The following GABPB2 variants were observed in gnomAD, a reference collection of about 807,000 sequenced individuals.
The protein encoded by GABPB2 is GA binding protein transcription factor subunit beta 2, also known as GA-binding protein subunit beta-2.
In GABPB2, 23 loss-of-function variants were observed where a neutral mutation model predicts 39.1. The ratio of observed to expected loss-of-function variants is 0.59; its 90% confidence interval spans 0.42 to 0.83. The LOEUF is 0.83. Ranked by LOEUF, GABPB2 falls within the 40% of genes least tolerant of loss-of-function variation. The pLI is 0.00. For missense variants in GABPB2, 467 were observed against 541.1 expected (o/e 0.86, Z 1.36); for synonymous variants, 184 against 199.3 (o/e 0.92, Z 0.65).
At chr1:151,086,469 A>G (rs1678198865) in intron 1 of GABPB2, among the ~76,000 whole-genome samples, 3 of 152,270 alleles carry the variant, frequency 2.0e-5, no homozygotes, top group African/African-American at 7.2e-5. Context: ...AGTTATACCC[A>G]CTGTTGGATT....
chr1:151,116,194 C>A (rs906940853), intron 7 of GABPB2, among the ~76,000 whole-genome samples: 3 of 151,968 alleles, frequency 2.0e-5, no homozygotes, highest in African/African-American at 7.3e-5. Context: ...GAGTTTGAGA[C>A]CAGACTGACC....
At chr1:151,075,035 G>A (rs148235302) in intron 1 of GABPB2, among the ~76,000 whole-genome samples, 1,649 of 152,186 alleles carry the variant, frequency 0.011, 30 homozygotes, top group African/African-American at 0.037. Flanking sequence ...CCAGCTACTC[G>A]GGAGGGTGAG....
At chr1:151,090,771 A>C (rs1175922589) in intron 3 of GABPB2, among the ~76,000 whole-genome samples, 198 bp downstream of exon 3, 6 of 151,902 alleles carry the variant, frequency 3.9e-5, no homozygotes, top group Admixed American at 3.9e-4. Flanking sequence ...AGACGGGTGG[A>C]TCACAAGGTC....
rs115780589 is a variant in GABPB2, at chr1:151,101,796, T to C, written c.623-1766T>C. 8.5e-3 allele frequency among the ~76,000 whole-genome samples: 1,296 copies of C among 152,254 alleles called. 13 individuals are homozygous for C. Among genetic ancestry groups the C allele is most frequent in the African/African-American group, 0.03 (1,241 of 41,548 alleles). ...GGCATAATAGGTATCTCTGAAATTA[T>C]AGTGAAAGAAATAGAGAAATATAAT... is the stretch of plus-strand genomic sequence containing the variant. On this transcript the variant is annotated intron_variant, in intron 5 of 8. Coordinates refer to ENST00000368918, the MANE Select transcript of GABPB2 (RefSeq NM_144618.3).
chr1:151,106,982 A>G lies in GABPB2; in HGVS notation c.737-55A>G, dbSNP rs1047559270. 1.1e-5 allele frequency: 14 copies of G among 1,279,904 alleles called. No individual in the cohort carries two copies. The African/African-American group carries it at 1.7e-4, about 15-fold the overall frequency. 79.3% of individuals were successfully genotyped at this position (1,279,904 alleles called of 1,614,324 possible). On this transcript the variant is annotated intron_variant, in intron 6 of 8. Coordinates refer to ENST00000368918, the MANE Select transcript of GABPB2 (RefSeq NM_144618.3). ...CAGGTTCAAGGAGGTTGAAATTGCTATACTCCTATGTTTTTAAAAAGCTGA... is the reference window on the plus strand; with the variant it reads ...CAGGTTCAAGGAGGTTGAAATTGCTGTACTCCTATGTTTTTAAAAAGCTGA...
Position 151,118,352 on chromosome 1 carries a change from C to A in GABPB2, c.*96C>A. On this transcript the variant is annotated 3_prime_UTR_variant, in exon 9 of 9. Coordinates refer to ENST00000368918, the MANE Select transcript of GABPB2 (RefSeq NM_144618.3). ...AACATTGTATAAAAACTAAGAGTGT[C>A]TTTAAGAAGAAAACTATAGCAGGGT... The A allele has an allele frequency of 8.3e-7, 1 of 1,200,240 alleles. No homozygotes were observed. The highest frequency in any genetic ancestry group is 1.2e-6 in the Non-Finnish European group (1 of 864,518). 74.3% of individuals were successfully genotyped at this position (1,200,240 alleles called of 1,614,324 possible).
At chr1:151,104,221 T>A (rs1370282399) in intron 6 of GABPB2, among the ~76,000 whole-genome samples, 1 of 152,186 alleles carries the variant, frequency 6.6e-6, no homozygotes, top group Non-Finnish European at 1.5e-5. Flanking sequence ...AGTTTTCAAG[T>A]CATTTAGCCA....
chr1:151,074,403 T>G (rs1318820780), intron 1 of GABPB2, among the ~76,000 whole-genome samples: 1 of 148,686 alleles, frequency 6.7e-6, no homozygotes, highest in Non-Finnish European at 1.5e-5. Context: ...CTCCACTTCC[T>G]GGGTTCACGC....
chr1:151,114,981 A>G (rs587695421), intron 7 of GABPB2, among the ~76,000 whole-genome samples: 2 of 152,210 alleles, frequency 1.3e-5, no homozygotes, highest in Non-Finnish European at 2.9e-5. Context: ...CTGCACTCCA[A>G]TCCGGCCTGG....
In GABPB2 at chr1:151,118,123, T is replaced by G; in HGVS notation, c.1214T>G (p.Val405Gly). ...CCCAATGGAGTTGATTTCACCATGG[T>G]TGAAGAGGTGGCTGAGGTAGATGCT... ...QQPNGVDFTMVEEVAEVDAVV... is the reference protein window; with the variant it reads ...QQPNGVDFTMGEEVAEVDAVV... Residue 405 changes from valine to glycine, a missense_variant, in exon 9 of 9, where the codon GTT becomes GGT. Coordinates refer to ENST00000368918, the MANE Select transcript of GABPB2 (RefSeq NM_144618.3). 1 of 1,614,090 alleles carries G rather than the reference T, an allele frequency of 6.2e-7. No homozygotes were observed. The highest frequency in any genetic ancestry group is 8.5e-7 in the Non-Finnish European group (1 of 1,180,018).
At chr1:151,080,510 TCTAAATAA>T (rs1409676904) in intron 1 of GABPB2, among the ~76,000 whole-genome samples, 10 of 134,878 alleles carry the variant, frequency 7.4e-5, no homozygotes, top group Admixed American at 2.2e-4. Context: ...AAACTCCATC[TCTAAATAA>T]ATAAATAAAT....
At chr1:151,078,122 T>G (rs1413278431) in intron 1 of GABPB2, among the ~76,000 whole-genome samples, 3 of 148,810 alleles carry the variant, frequency 2.0e-5, no homozygotes, top group Non-Finnish European at 4.4e-5. Context: ...AATACAAAAT[T>G]ATCCAGTTGT....
intron 1 of GABPB2, among the ~76,000 whole-genome samples, chr1:151,084,596 G>A (rs1209918277): frequency 1.5e-4 from 20 of 137,872 alleles, no homozygotes; most frequent in African/African-American, 4.7e-4. Flanking sequence ...GTGCAGTGGC[G>A]CAGTCTCGGC....
At chr1:151,085,124 G>A (rs1036336720) in intron 1 of GABPB2, among the ~76,000 whole-genome samples, 4 of 151,282 alleles carry the variant, frequency 2.6e-5, no homozygotes, top group Non-Finnish European at 4.4e-5. Flanking sequence ...ATGGCCAGGC[G>A]CGGTGGCTCA....
chr1:151,075,855 C>A (rs1677131600), intron 1 of GABPB2, among the ~76,000 whole-genome samples: 1 of 152,132 alleles, frequency 6.6e-6, no homozygotes, highest in Non-Finnish European at 1.5e-5. Context: ...ACACCTCTGA[C>A]ATTTCTCCCA....
intron 1 of GABPB2, among the ~76,000 whole-genome samples, chr1:151,078,952 G>T (rs1036231639): frequency 1.3e-5 from 2 of 151,934 alleles, no homozygotes; most frequent in African/African-American, 4.8e-5. Context: ...GATTACAGTC[G>T]TGAGCCACTG....
chr1:151,072,670 A>C (rs926099186), intron 1 of GABPB2, among the ~76,000 whole-genome samples: 24 of 151,592 alleles, frequency 1.6e-4, no homozygotes, highest in Non-Finnish European at 2.5e-4. Flanking sequence ...ACATGGTGAA[A>C]CCCCATTTCT....
Position 151,117,733 on chromosome 1 carries a change from G to A in GABPB2, c.1047+217G>A, listed in dbSNP as rs903128102. Among the ~76,000 whole-genome samples the A allele has an allele frequency of 2.3e-4, 35 of 152,272 alleles. 1 individual carries two copies. The highest frequency in any genetic ancestry group is 7.7e-4 in the African/African-American group (32 of 41,558). On this transcript the variant is annotated intron_variant, in intron 8 of 8. Coordinates refer to ENST00000368918, the MANE Select transcript of GABPB2 (RefSeq NM_144618.3). ...TGAGTAGCTGGGATTACAGGCACCT[G>A]CCACCATGCCTGGCTAATTTTTGTA... is the stretch of plus-strand genomic sequence containing the variant.
intron 6 of GABPB2, 34 bp from the exon 7 acceptor site, chr1:151,107,003 G>A: frequency 6.7e-7 from 1 of 1,501,498 alleles, no homozygotes; most frequent in Non-Finnish European, 9.0e-7. Context: ...TTTTTAAAAA[G>A]CTGAAATTTT....
Sources: gnomAD v4.1 joint callset for allele counts (sites outside exome capture counted in the v4.1 genomes callset) on GRCh38, gnomAD v4.1.1 for gene constraint, MANE v1.5 for transcripts, NCBI Gene and HGNC (gene_info 2026-07-23, HGNC 2026-07-21) for gene names.